RAB11FIP4: variants seen among roughly 807,000 people sequenced by gnomAD.
RAB11FIP4 encodes rab11 family-interacting protein 4.
A neutral mutation model predicts 74.3 loss-of-function variants in RAB11FIP4; 23 were observed. That is an observed-to-expected ratio of 0.31 (90% CI 0.22 to 0.44). RAB11FIP4 has a LOEUF of 0.44. RAB11FIP4 is among the 20% of genes least tolerant of loss of function. RAB11FIP4 has a pLI of 1.00. For synonymous variants in RAB11FIP4, 360 were observed against 359.9 expected (o/e 1.00, Z 0.00); for missense variants, 630 against 863.9 (o/e 0.73, Z 3.39).
chr17:31,488,361 A>T, intron 3 of RAB11FIP4: 2 of 1,017,170 alleles, frequency 2.0e-6, no homozygotes, highest in Non-Finnish European at 2.3e-6. Context: ...AAGTTGGCGG[A>T]GAGCGGACTT....
At chr17:31,488,975 C>T (rs1231654484) in intron 3 of RAB11FIP4, among the ~76,000 whole-genome samples, 1 of 152,226 alleles carries the variant, frequency 6.6e-6, no homozygotes, top group African/African-American at 2.4e-5. Flanking sequence ...CCCTACTCCT[C>T]GCCCATGCAA....
intron 3 of RAB11FIP4, among the ~76,000 whole-genome samples, chr17:31,517,206 T>TGGGG (rs199757879): frequency 4.9e-5 from 1 of 20,250 alleles, no homozygotes; most frequent in Non-Finnish European, 1.2e-4. Context: ...GGGGGGGCGG[T>TGGGG]GGGGGGGGCG....
At chr17:31,473,984 C>T (rs2071765424) in intron 3 of RAB11FIP4, among the ~76,000 whole-genome samples, 1 of 152,158 alleles carries the variant, frequency 6.6e-6, no homozygotes, top group African/African-American at 2.4e-5. Context: ...GAAGGCTGGT[C>T]CAGGTGGGGA....
intron 3 of RAB11FIP4, among the ~76,000 whole-genome samples, chr17:31,463,818 T>TGTTTG (rs2071656584): frequency 7.8e-6 from 1 of 128,006 alleles, no homozygotes. Flanking sequence ...TTTTTTTTTT[T>TGTTTG]TTTTTTTTTT....
At position 31,445,564 on chromosome 17, in the gene RAB11FIP4, ATATATATATATATATTT is replaced by A. The variant is rs1409722633; in HGVS notation, c.336+11444_336+11460del. 2.6e-3 allele frequency among the ~76,000 whole-genome samples: 34 copies of A among 13,114 alleles called. 1 individual carries two copies. Among genetic ancestry groups the A allele is most frequent in the Admixed American group, 0.015 (11 of 752 alleles). 8.6% of individuals were successfully genotyped at this position (13,114 alleles called of 152,430 possible). ...TATATATATATATATATATATATAT[ATATATATATATATATTT>A]TTTTTTTTTTTTTTTTTTTTTTGAC... On this transcript the variant is annotated intron_variant, in intron 3 of 14. Coordinates refer to ENST00000621161, the MANE Select transcript of RAB11FIP4 (RefSeq NM_032932.6).
At chr17:31,494,017 G>T (rs7225392) in intron 3 of RAB11FIP4, among the ~76,000 whole-genome samples, 73,700 of 152,020 alleles carry the variant, frequency 0.48, 18,323 homozygotes, top group African/African-American at 0.58. Flanking sequence ...GTGCCCAACA[G>T]GTAGAATGGG....
In RAB11FIP4 at chr17:31,521,904, T is replaced by A; in HGVS notation, c.759-11T>A. ...CAGTTAAGGTGGTGATTCCTTTCCC[T>A]CATGAATCAGTGCGGGGCAGACGCC... On this transcript the variant is annotated splice_polypyrimidine_tract_variant and intron_variant, in intron 5 of 14. Coordinates refer to ENST00000621161, the MANE Select transcript of RAB11FIP4 (RefSeq NM_032932.6). 1 of 1,614,028 alleles carries A rather than the reference T, an allele frequency of 6.2e-7. No individual in the cohort carries two copies. The highest frequency in any genetic ancestry group is 8.5e-7 in the Non-Finnish European group (1 of 1,179,944).
intron 3 of RAB11FIP4, among the ~76,000 whole-genome samples, chr17:31,455,323 G>A (rs986877778): frequency 2.0e-5 from 3 of 152,066 alleles, no homozygotes; most frequent in Non-Finnish European, 4.4e-5. Context: ...GTTTAGATGT[G>A]TTATACAGAT....
chr17:31,487,130 G>T (rs2071912456), intron 3 of RAB11FIP4, among the ~76,000 whole-genome samples: 1 of 152,204 alleles, frequency 6.6e-6, no homozygotes, highest in African/African-American at 2.4e-5. Context: ...CAGACAGGAA[G>T]ATAAATCTCT....
intron 4 of RAB11FIP4, among the ~76,000 whole-genome samples, chr17:31,520,655 T>C (rs908757177): frequency 3.9e-5 from 6 of 152,058 alleles, no homozygotes; most frequent in Non-Finnish European, 5.9e-5. Flanking sequence ...CTACAGGTGC[T>C]CGCCACCACG....
chr17:31,491,969 C>T (rs1479808267), intron 3 of RAB11FIP4, among the ~76,000 whole-genome samples: 3 of 152,142 alleles, frequency 2.0e-5, no homozygotes, highest in East Asian at 1.9e-4. Context: ...TGCCACCACA[C>T]GAATCAAACC....
chr17:31,426,391 CTACTGTTAAGTT>C (rs1454278013), intron 1 of RAB11FIP4, among the ~76,000 whole-genome samples: 1 of 152,104 alleles, frequency 6.6e-6, no homozygotes, highest in Non-Finnish European at 1.5e-5. Context: ...ATAATAATAG[CTACTGTTAAGTT>C]TGCTGTGAGG....
At chr17:31,519,304 G>A (rs376538822) in intron 4 of RAB11FIP4, among the ~76,000 whole-genome samples, 2 of 152,192 alleles carry the variant, frequency 1.3e-5, no homozygotes, top group Admixed American at 6.5e-5. Flanking sequence ...GTGAGCCACC[G>A]CACCTGGCCA....
intron 3 of RAB11FIP4, among the ~76,000 whole-genome samples, chr17:31,497,781 G>A (rs746913490): frequency 1.2e-4 from 18 of 152,196 alleles, no homozygotes; most frequent in Non-Finnish European, 2.5e-4. Context: ...AGTGTGCGCT[G>A]CTGGCTAGAG....
intron 1 of RAB11FIP4, among the ~76,000 whole-genome samples, chr17:31,409,448 G>A (rs1231434440): frequency 1.3e-5 from 2 of 152,162 alleles, no homozygotes; most frequent in Non-Finnish European, 2.9e-5. Flanking sequence ...GGCCAGGCCT[G>A]GTCAGGTGCC....
At chr17:31,500,665 TCTGAA>T (rs1461222048) in intron 3 of RAB11FIP4, among the ~76,000 whole-genome samples, 2 of 152,216 alleles carry the variant, frequency 1.3e-5, no homozygotes, top group African/African-American at 4.8e-5. Flanking sequence ...TTCTAACGTC[TCTGAA>T]CTGTGCATAT....
chr17:31,515,384 G>A (rs775446812), intron 3 of RAB11FIP4, among the ~76,000 whole-genome samples: 23 of 151,404 alleles, frequency 1.5e-4, no homozygotes, highest in Admixed American at 9.2e-4. Flanking sequence ...TGCCCGGCTC[G>A]CTGGTGTACG....
chr17:31,495,820 CAT>C (rs1460611944), intron 3 of RAB11FIP4, among the ~76,000 whole-genome samples: 1 of 152,230 alleles, frequency 6.6e-6, no homozygotes, highest in Non-Finnish European at 1.5e-5. Flanking sequence ...GGTGTGTGCT[CAT>C]GTGCTTGTGT....
chr17:31,459,764 C>T (rs1428537494), intron 3 of RAB11FIP4, among the ~76,000 whole-genome samples: 3 of 142,646 alleles, frequency 2.1e-5, no homozygotes, highest in African/African-American at 7.6e-5. Context: ...CCCAAAGCAG[C>T]CTCTTTATCC....
Sources: gnomAD v4.1 joint callset for allele counts (sites outside exome capture counted in the v4.1 genomes callset) on GRCh38, gnomAD v4.1.1 for gene constraint, MANE v1.5 for transcripts, NCBI Gene and HGNC (gene_info 2026-07-23, HGNC 2026-07-21) for gene names.